The following GAREM1 variants were observed in gnomAD, a reference collection of about 807,000 sequenced individuals.
GAREM1 encodes GRB2 associated regulator of MAPK1 subtype 1.
A neutral mutation model predicts 71.3 loss-of-function variants in GAREM1; 26 were observed. That is an observed-to-expected ratio of 0.36 (90% CI 0.27 to 0.51). GAREM1 has a LOEUF of 0.51. GAREM1 is among the 20% of genes least tolerant of loss of function. The pLI is 0.95. For synonymous variants in GAREM1, 440 were observed against 433.2 expected, an observed-to-expected ratio of 1.02 and a Z score of -0.20; for missense variants, 1,026 against 1,103.1, an observed-to-expected ratio of 0.93 and a Z score of 0.99.
intron 2 of GAREM1, among the ~76,000 whole-genome samples, chr18:32,361,788 A>G (rs1447426907): frequency 6.6e-6 from 1 of 152,206 alleles, no homozygotes; most frequent in Non-Finnish European, 1.5e-5. Flanking sequence ...AATCAACATC[A>G]AGAGGGTTAA....
At chr18:32,448,542 G>A (rs1276875711) in intron 1 of GAREM1, among the ~76,000 whole-genome samples, 1 of 152,204 alleles carries the variant, frequency 6.6e-6, no homozygotes, top group African/African-American at 2.4e-5. Context: ...CAACAGGTAT[G>A]GGCTTTGTGA....
rs141315416 is a variant in GAREM1, at chr18:32,387,663, T to C, written c.262+5232A>G. 1.1e-4 allele frequency among the ~76,000 whole-genome samples: 17 copies of C among 152,314 alleles called. No individual in the cohort carries two copies. The East Asian group carries it at 2.7e-3, about 24-fold the overall frequency. ...AAGAAAACACCTTTTGTCTAAAACT[T>C]ATTTTGCCAGAATAGGGAATGTCTT... On this transcript the variant is annotated intron_variant, in intron 2 of 5. Transcript: ENST00000269209.
At chr18:32,394,985 C>T (rs1468805853) in intron 1 of GAREM1, among the ~76,000 whole-genome samples, 1 of 152,192 alleles carries the variant, frequency 6.6e-6, no homozygotes, top group African/African-American at 2.4e-5. Flanking sequence ...TAGCAGTGAT[C>T]AGGACACATA....
At chr18:32,356,252 T>C (rs762946476) in intron 2 of GAREM1, among the ~76,000 whole-genome samples, 1 of 152,232 alleles carries the variant, frequency 6.6e-6, no homozygotes, top group African/African-American at 2.4e-5. Context: ...ATACCAGGAA[T>C]ATTTGAATAT....
intron 2 of GAREM1, among the ~76,000 whole-genome samples, chr18:32,376,740 A>G (rs2048033712): frequency 6.6e-6 from 1 of 152,228 alleles, no homozygotes; most frequent in Non-Finnish European, 1.5e-5. Context: ...TGGGAGGGTG[A>G]GGCAGAAGAA....
At chr18:32,351,163 G>T (rs767870596) in intron 2 of GAREM1, among the ~76,000 whole-genome samples, 2 of 152,078 alleles carry the variant, frequency 1.3e-5, no homozygotes, top group Non-Finnish European at 2.9e-5. Context: ...ATGGAATTAG[G>T]AAGTAATTTT....
intron 2 of GAREM1, among the ~76,000 whole-genome samples, chr18:32,376,751 T>C (rs772396748): frequency 6.6e-6 from 1 of 152,096 alleles, no homozygotes; most frequent in Non-Finnish European, 1.5e-5. Context: ...GGCAGAAGAA[T>C]CGCTTGAACC....
At chr18:32,310,569 G>T (rs144213259) in intron 2 of GAREM1, among the ~76,000 whole-genome samples, 1 of 152,192 alleles carries the variant, frequency 6.6e-6, no homozygotes, top group East Asian at 1.9e-4. Flanking sequence ...ATTCCCAGAT[G>T]TCCAAAATCA....
chr18:32,427,425 G>A lies in GAREM1; in HGVS notation c.122-34390C>T, dbSNP rs569249590. ...TCTGTTAATAAATGACAGAGCTGGAGAGAGAACCAGGAATGTCTGCCTCCC... is the reference window on the plus strand; with the variant it reads ...TCTGTTAATAAATGACAGAGCTGGAAAGAGAACCAGGAATGTCTGCCTCCC... On this transcript the variant is annotated intron_variant, in intron 1 of 5. Coordinates refer to ENST00000269209, the MANE Select transcript of GAREM1 (RefSeq NM_001242409.2). Among the ~76,000 whole-genome samples the A allele has an allele frequency of 5.7e-4, 86 of 152,174 alleles. 6 individuals are homozygous for A. The highest frequency in any genetic ancestry group is 5.9e-5 in the Non-Finnish European group (4 of 68,030).
intron 3 of GAREM1, among the ~76,000 whole-genome samples, chr18:32,303,900 G>A (rs2047223036): frequency 6.7e-6 from 1 of 148,688 alleles, no homozygotes; most frequent in African/African-American, 2.5e-5. Context: ...CAGCCTGGGT[G>A]ACAAAGCATG....
chr18:32,454,595 A>G (rs1293209567), intron 1 of GAREM1, among the ~76,000 whole-genome samples: 1 of 152,208 alleles, frequency 6.6e-6, no homozygotes, highest in African/African-American at 2.4e-5. Context: ...ATATGCAAAT[A>G]TAATTCACTA....
chr18:32,319,732 C>T (rs1410285211), intron 2 of GAREM1, among the ~76,000 whole-genome samples: 5 of 152,204 alleles, frequency 3.3e-5, no homozygotes, highest in Admixed American at 3.3e-4. Context: ...GTCTCTTGTA[C>T]ATCTGTCCAG....
intron 2 of GAREM1, among the ~76,000 whole-genome samples, chr18:32,358,403 G>A (rs768635108): frequency 2.0e-5 from 3 of 151,856 alleles, no homozygotes; most frequent in Admixed American, 6.6e-5. Context: ...CTCATTCACC[G>A]GGGTCTCCTC....
chr18:32,424,023 C>T (rs1277599462), intron 1 of GAREM1, among the ~76,000 whole-genome samples: 1 of 151,954 alleles, frequency 6.6e-6, no homozygotes, highest in Non-Finnish European at 1.5e-5. Context: ...GTAGTCCCAG[C>T]TCCTCAAGAG....
In GAREM1 at chr18:32,393,055, A is replaced by G; in HGVS notation, c.122-20T>C. The G allele has an allele frequency of 6.2e-7, 1 of 1,603,124 alleles. No individual in the cohort carries two copies. The highest frequency in any genetic ancestry group is 8.5e-7 in the Non-Finnish European group (1 of 1,172,614). On this transcript the variant is annotated intron_variant, in intron 1 of 5. Coordinates refer to ENST00000269209, the MANE Select transcript of GAREM1 (RefSeq NM_001242409.2). ...ACTCTCCTAGGAAATACAATTTTAT[A>G]TGAGAAACTTAGAATTCATAATCTG...
intron 2 of GAREM1, among the ~76,000 whole-genome samples, chr18:32,310,923 C>A (rs1218257601): frequency 1.3e-5 from 2 of 152,196 alleles, no homozygotes; most frequent in African/African-American, 4.8e-5. Context: ...GGAGCAGCAG[C>A]AGACAGCTGT....
chr18:32,375,514 T>A (rs571714382), intron 2 of GAREM1, among the ~76,000 whole-genome samples: 42 of 152,170 alleles, frequency 2.8e-4, no homozygotes, highest in Non-Finnish European at 5.1e-4. Flanking sequence ...ATGAGATTAG[T>A]GAGTCAAGAA....
intron 2 of GAREM1, among the ~76,000 whole-genome samples, chr18:32,355,569 A>T (rs1223086171): frequency 1.3e-5 from 2 of 152,198 alleles, no homozygotes; most frequent in Non-Finnish European, 2.9e-5. Context: ...AATCAGACAT[A>T]CTAGAAGTTT....
intron 2 of GAREM1, among the ~76,000 whole-genome samples, chr18:32,314,496 A>G (rs2047356715): frequency 6.6e-6 from 1 of 152,160 alleles, no homozygotes; most frequent in African/African-American, 2.4e-5. Flanking sequence ...ACGCATCCAA[A>G]GTATTCAGCA....
Sources: allele counts gnomAD v4.1 joint callset (sites outside exome capture counted in the v4.1 genomes callset), GRCh38; gene constraint gnomAD v4.1.1; transcripts MANE v1.5; gene names NCBI Gene and HGNC (gene_info 2026-07-23, HGNC 2026-07-21).